Variants in ADGRB2 observed in about 807,000 individuals in gnomAD.
ADGRB2 encodes the protein adhesion G protein-coupled receptor B2.
Under a neutral mutation model 178.7 loss-of-function variants are expected in ADGRB2, and 47 were observed. The ratio of observed to expected loss-of-function variants is 0.26; its 90% CI spans 0.21 to 0.34. The LOEUF (loss-of-function observed/expected upper bound fraction) is 0.34, where lower values mean the gene tolerates loss of function less well. ADGRB2 is among the 10% of genes least tolerant of loss of function. The pLI is 1.00. For synonymous variants in ADGRB2, 870 were observed against 912.4 expected (o/e 0.95, Z 0.84); for missense variants, 1,584 against 2,180.8 (o/e 0.73, Z 5.45).
intron 4 of ADGRB2, among the ~76,000 whole-genome samples, chr1:31,749,949 G>A (rs1201116068): frequency 6.6e-6 from 1 of 150,754 alleles, no homozygotes; most frequent in Admixed American, 6.6e-5. Context: ...AAGAAAGAAA[G>A]GAAAGAAAGA....
intron 4 of ADGRB2, among the ~76,000 whole-genome samples, chr1:31,748,861 C>T (rs921303556): frequency 4.6e-5 from 7 of 152,214 alleles, no homozygotes; most frequent in Admixed American, 1.3e-4. Context: ...TCAGCATCAC[C>T]TCATTTCATC....
In ADGRB2 at chr1:31,756,543, C is replaced by G. The variant is rs149219830; in HGVS notation, c.294G>C (p.Leu98=). The G allele has an allele frequency of 7.4e-6, 12 of 1,613,208 alleles. No individual in the cohort carries two copies. Among genetic ancestry groups the G allele is most frequent in the African/African-American group, 1.3e-5 (1 of 74,952 alleles). ...QVCAHFAPRL[L]PLDHYLVNFT... ...AGTTGACCAGGTAGTGGTCCAGGGGCAGCAGGCGGGGGGCAAAGTGTGCGC... is the reference window on the plus strand; with the variant it reads ...AGTTGACCAGGTAGTGGTCCAGGGGGAGCAGGCGGGGGGCAAAGTGTGCGC... The change falls in exon 4 of 33, where the codon CTG becomes CTC. Residue 98 remains leucine, a synonymous_variant. Transcript: ENST00000373658. This position sits in a 1 kb window ranked among gnomAD's most constrained non-coding sequence, Gnocchi z 8.5.
rs1232876595 is a variant in ADGRB2 at position 31,764,129 on chromosome 1, T to TCCTTGCCGCGCCGCCC, written c.-452_-437dup. The stretch of plus-strand genomic sequence containing the variant: ...TCCTGCCGCCGCCGCCGCCGCCGCC[T>TCCTTGCCGCGCCGCCC]CCTTGCCGCGCCGCCCCCCGCTCCC... On this transcript the variant is annotated 5_prime_UTR_variant, in exon 1 of 33. Transcript: ENST00000373658. This position sits in a 1 kb window ranked among gnomAD's most constrained non-coding sequence, Gnocchi z 7.3. 7.0e-6 allele frequency: 6 copies of TCCTTGCCGCGCCGCCC among 852,762 alleles called. No individual in the cohort carries two copies. In the African/African-American group the frequency reaches 9.5e-5, roughly 14 times the overall value. The allele number at this position is 852,762 out of a possible 1,614,324, so 52.8% of individuals were successfully genotyped here.
At chr1:31,757,840 G>GT (rs1324663857) in intron 1 of ADGRB2, among the ~76,000 whole-genome samples, 1 of 152,174 alleles carries the variant, frequency 6.6e-6, no homozygotes, top group African/African-American at 2.4e-5. Context: ...ACCCAAGCTT[G>GT]TTGCTTTCTA....
chr1:31,759,420 C>T lies in ADGRB2; in HGVS notation c.-190-1909G>A. The T allele has an allele frequency of 1.3e-6, 1 of 778,058 alleles. No homozygotes were observed. Among genetic ancestry groups the T allele is most frequent in the Non-Finnish European group, 2.4e-6 (1 of 417,012 alleles). 48.2% of individuals were successfully genotyped at this position (778,058 alleles called of 1,614,324 possible). A position where few individuals can be genotyped will look rare whatever the true frequency, so the allele number is the denominator to read the frequency against. On this transcript the variant is annotated intron_variant, in intron 1 of 32. Coordinates refer to ENST00000373658, the MANE Select transcript of ADGRB2 (RefSeq NM_001364857.2). This position sits in a 1 kb window ranked among gnomAD's most constrained non-coding sequence, Gnocchi z 4.3. The stretch of plus-strand genomic sequence containing the variant: ...TGCATGTCTGAAGCTGGATCTCCCT[C>T]CCCTACCCTGCTCCTAGGCTGCTGC...
Position 31,759,990 on chromosome 1 carries a change from C to T in ADGRB2, c.-190-2479G>A, listed in dbSNP as rs114298295. ...CTCCCAACAAGTTCCCAGCACAGAG[C>T]CTAGCTCACAGCCCTGTCTCCTCTC... On this transcript the variant is annotated intron_variant, in intron 1 of 32. Transcript: ENST00000373658. This position sits in a 1 kb window ranked among gnomAD's most constrained non-coding sequence, Gnocchi z 4.3. Among the ~76,000 whole-genome samples the T allele has an allele frequency of 5.2e-3, 799 of 152,316 alleles. 1 individual carries two copies. The highest frequency in any genetic ancestry group is 0.018 in the African/African-American group (758 of 41,564).
In ADGRB2 at chr1:31,728,143, G is replaced by A; in HGVS notation, c.4515+39C>T. On this transcript the variant is annotated intron_variant, in intron 31 of 32. Transcript: ENST00000373658. This position sits in a 1 kb window ranked among gnomAD's most constrained non-coding sequence, Gnocchi z 6.7. Reference sequence around the variant, plus strand: ...GGGCCACTGCACCAGGTCAGGCCCTGAGCTTCAGGGCAGGGGCAGCCACGG... The same window carrying A: ...GGGCCACTGCACCAGGTCAGGCCCTAAGCTTCAGGGCAGGGGCAGCCACGG... 3.7e-6 allele frequency: 6 copies of A among 1,613,876 alleles called. No individual in the cohort carries two copies. The highest frequency in any genetic ancestry group is 5.1e-6 in the Non-Finnish European group (6 of 1,179,950).
In ADGRB2 at chr1:31,730,987, A is replaced by G; in HGVS notation, c.4193T>C (p.Phe1398Ser). 6.4e-7 allele frequency: 1 copy of G among 1,566,750 alleles called. No homozygotes were observed. The highest frequency in any genetic ancestry group is 8.7e-7 in the Non-Finnish European group (1 of 1,152,836). Residue 1398 changes from phenylalanine (F) to serine (S), a missense_variant, in exon 29 of 33, where the codon TTC (phenylalanine) becomes TCC (serine). Phe to Ser is a radical substitution (Grantham distance 155). Around this residue, in one of 3 missense-constraint regions of ADGRB2, gnomAD observed 865 missense variants for 1,192.8 expected, o/e 0.73. Transcript: ENST00000373658. ...CAGGCCCGAGTGGTCCACGGACAGG[A>G]AGCTGGGGTAGCCTTCAGTGTGGGC... ...TVAHTEGYPS[F>S]LSVDHSGLGL...
Position 31,731,070 on chromosome 1 carries a change from A to ACCACCT in ADGRB2, c.4104_4109dup (p.Gly1369_Gly1370dup). The ACCACCT allele has an allele frequency of 2.5e-6, 4 of 1,576,284 alleles. No homozygotes were observed. Among genetic ancestry groups the ACCACCT allele is most frequent in the Non-Finnish European group, 3.4e-6 (4 of 1,160,932 alleles). On this transcript the variant is annotated inframe_insertion, in exon 29 of 33. Coordinates refer to ENST00000373658, the MANE Select transcript of ADGRB2 (RefSeq NM_001364857.2). ...CCGGCCGGGCCCTGGGGGCATCCTC[A>ACCACCT]CCACCTCCACCCCCACCGCCAGGCT...
chr1:31,746,179 G>A (rs958388719), intron 4 of ADGRB2, among the ~76,000 whole-genome samples: 2 of 152,130 alleles, frequency 1.3e-5, no homozygotes, highest in African/African-American at 2.4e-5. Flanking sequence ...CAGGACTCAC[G>A]TGAGGACCCC....
chr1:31,747,769 T>C (rs1646351681), intron 4 of ADGRB2, among the ~76,000 whole-genome samples: 1 of 152,238 alleles, frequency 6.6e-6, no homozygotes, highest in African/African-American at 2.4e-5. Flanking sequence ...TGTTCCCAGC[T>C]TCCCCCACAA....
chr1:31,731,410 T>C lies in ADGRB2; in HGVS notation c.3770A>G (p.Lys1257Arg). The change falls in exon 29 of 33, where the codon AAG (lysine) becomes AGG (arginine). Residue 1257 changes from lysine to arginine, a missense_variant. Lys to Arg is a conservative substitution (Grantham distance 26, BLOSUM62 2). Around this residue, in one of 3 missense-constraint regions of ADGRB2, gnomAD observed 865 missense variants for 1,192.8 expected, o/e 0.73. Coordinates refer to ENST00000373658, the MANE Select transcript of ADGRB2 (RefSeq NM_001364857.2). ...VDLACQTVLF[K>R]EVNTCNPSTI... ...GGACGGGTTGCAAGTGTTGACCTCC[T>C]TGAACAGCACTGGGGGCAGGAGTGG... The C allele has an allele frequency of 6.3e-7, 1 of 1,598,350 alleles. No homozygotes were observed. Among genetic ancestry groups the C allele is most frequent in the Non-Finnish European group, 8.5e-7 (1 of 1,171,792 alleles).
At position 31,761,204 on chromosome 1, in the gene ADGRB2, G is replaced by A. The variant is rs867657702; in HGVS notation, c.-191+2680C>T. 1.1e-4 allele frequency among the ~76,000 whole-genome samples: 16 copies of A among 152,206 alleles called. No homozygotes were observed. The highest frequency in any genetic ancestry group is 3.9e-4 in the African/African-American group (16 of 41,450). ...GCTGCCACTCCCCGGTGGGACCCAG[G>A]TCCGGCCACACTACCCAGAGGACTT... On this transcript the variant is annotated intron_variant, in intron 1 of 32. Coordinates refer to ENST00000373658, the MANE Select transcript of ADGRB2 (RefSeq NM_001364857.2). This position sits in a 1 kb window ranked among gnomAD's most constrained non-coding sequence, Gnocchi z 4.2.
At chr1:31,751,985 T>A (rs749909661) in intron 4 of ADGRB2, among the ~76,000 whole-genome samples, 5 of 152,102 alleles carry the variant, frequency 3.3e-5, no homozygotes, top group Non-Finnish European at 5.9e-5. Flanking sequence ...GTGGAATAGC[T>A]CTCACTACCC....
intron 4 of ADGRB2, among the ~76,000 whole-genome samples, chr1:31,749,419 G>A (rs183669800): frequency 1.3e-5 from 2 of 152,358 alleles, no homozygotes; most frequent in Non-Finnish European, 2.9e-5. Context: ...AAAGGGCACA[G>A]ATTCTAGAGC....
chr1:31,735,436 G>A lies in ADGRB2; in HGVS notation c.3353+144C>T, dbSNP rs1472392820. ...GAGGGGCTGCGGCTGAGCACTCCGG[G>A]TGCCCACCTTGCCTGCAACCTTGAT... On this transcript the variant is annotated intron_variant, in intron 24 of 32. Coordinates refer to ENST00000373658, the MANE Select transcript of ADGRB2 (RefSeq NM_001364857.2). This position sits in a 1 kb window ranked among gnomAD's most constrained non-coding sequence, Gnocchi z 6.0. 3 of 1,261,022 alleles carry A rather than the reference G, an allele frequency of 2.4e-6. No individual in the cohort carries two copies. Among genetic ancestry groups the A allele is most frequent in the Non-Finnish European group, 3.4e-6 (3 of 887,166 alleles). 78.1% of individuals were successfully genotyped at this position (1,261,022 alleles called of 1,614,324 possible).
At position 31,758,489 on chromosome 1, in the gene ADGRB2, T is replaced by C. The variant is rs1302421952; in HGVS notation, c.-190-978A>G. Among the ~76,000 whole-genome samples the C allele has an allele frequency of 1.3e-5, 2 of 152,192 alleles. No individual in the cohort carries two copies. Among genetic ancestry groups the C allele is most frequent in the African/African-American group, 2.4e-5 (1 of 41,440 alleles). ...TGCTCCCAGGGAACAGACTTCCCCT[T>C]GGGTCTTCAGGAGTCTAAACAGCAG... On this transcript the variant is annotated intron_variant, in intron 1 of 32. Coordinates refer to ENST00000373658, the MANE Select transcript of ADGRB2 (RefSeq NM_001364857.2). This position sits in a 1 kb window ranked among gnomAD's most constrained non-coding sequence, Gnocchi z 4.2.
chr1:31,728,175 C>G lies in ADGRB2; in HGVS notation c.4515+7G>C, dbSNP rs376584625. 3 of 1,614,096 alleles carry G rather than the reference C, an allele frequency of 1.9e-6. No individual in the cohort carries two copies. Among genetic ancestry groups the G allele is most frequent in the Non-Finnish European group, 2.5e-6 (3 of 1,180,002 alleles). On this transcript the variant is annotated splice_region_variant and intron_variant, in intron 31 of 32. Coordinates refer to ENST00000373658, the MANE Select transcript of ADGRB2 (RefSeq NM_001364857.2). The surrounding 1 kb of genome is among the most constrained non-coding windows in gnomAD (Gnocchi z 6.7). ...AGGGCAGGGGCAGCCACGGGAGGAGCCCTCACCTTGGCCGTGGACTGGCTG... is the reference window on the plus strand; with the variant it reads ...AGGGCAGGGGCAGCCACGGGAGGAGGCCTCACCTTGGCCGTGGACTGGCTG...
At position 31,759,533 on chromosome 1, in the gene ADGRB2, T is replaced by A. The variant is rs1301838884; in HGVS notation, c.-190-2022A>T. The A allele has an allele frequency of 4.8e-6, 3 of 621,688 alleles. No homozygotes were observed. The highest frequency in any genetic ancestry group is 8.8e-6 in the Non-Finnish European group (3 of 342,500). The allele number at this position is 621,688 out of a possible 1,614,324, so 38.5% of individuals were successfully genotyped here. On this transcript the variant is annotated intron_variant, in intron 1 of 32. Coordinates refer to ENST00000373658, the MANE Select transcript of ADGRB2 (RefSeq NM_001364857.2). This position sits in a 1 kb window ranked among gnomAD's most constrained non-coding sequence, Gnocchi z 4.3. ...CTGGCTTCTCCAGAATGGAGTCACT[T>A]TTAACCCAATCCAACCCCCCTCCTC...
Sources: allele counts gnomAD v4.1 joint callset (sites outside exome capture counted in the v4.1 genomes callset), GRCh38; gene constraint gnomAD v4.1.1; regional missense constraint gnomAD v4.1.1; non-coding constraint Gnocchi (gnomAD v3.1); transcripts MANE v1.5; gene names NCBI Gene and HGNC (gene_info 2026-07-23, HGNC 2026-07-21).